BAZ2A: variants seen among roughly 807,000 people sequenced by gnomAD.
The protein encoded by BAZ2A is bromodomain adjacent to zinc finger domain 2A, also known as bromodomain adjacent to zinc finger domain protein 2A.
BAZ2A carries 34 observed loss-of-function variants against 199.9 expected under a neutral mutation model. The observed-to-expected ratio is 0.17, with a 90% CI of 0.13 to 0.23. The LOEUF (loss-of-function observed/expected upper bound fraction) is 0.23. Among genes scored for constraint, BAZ2A ranks in the 10% least tolerant of loss-of-function variants. BAZ2A has a pLI of 1.00. For missense variants in BAZ2A, 2,002 were observed against 2,391.1 expected (o/e 0.84, Z 3.39); for synonymous variants, 857 against 883.9 (o/e 0.97, Z 0.54).
In BAZ2A at chr12:56,602,131, G is replaced by A; in HGVS notation, c.3486C>T (p.Leu1162=). 1 of 1,593,988 alleles carries A rather than the reference G, an allele frequency of 6.3e-7. No individual in the cohort carries two copies. Among genetic ancestry groups the A allele is most frequent in the Non-Finnish European group, 8.5e-7 (1 of 1,170,036 alleles). ...TCTTCATAGAGAAGAGGGCAGGGTT[G>A]AGTGACGCATGGGCTGCCACTTTTA... ...DSLKVAAHAS[L]NPALFSMKME... Residue 1162 remains leucine, a synonymous_variant, in exon 20 of 29, where the codon CTC becomes CTT. Coordinates refer to ENST00000549884, the MANE Select transcript of BAZ2A (RefSeq NM_001300905.2).
rs1444787863 is a variant in BAZ2A, at chr12:56,615,420, T to G, written c.324A>C (p.Pro108=). 5.6e-6 allele frequency: 9 copies of G among 1,596,804 alleles called. No individual in the cohort carries two copies. The highest frequency in any genetic ancestry group is 7.7e-6 in the Non-Finnish European group (9 of 1,174,322). Reference sequence around the variant, plus strand: ...CCCCCGAGAACTGGGAGAGAAGGGGTGGGTCCTTGAGGTTGCTGCCAGGAT... The same window carrying G: ...CCCCCGAGAACTGGGAGAGAAGGGGGGGGTCCTTGAGGTTGCTGCCAGGAT... ...SANPGSNLKD[P]PLLSQFSGGQ... Residue 108 remains proline, a synonymous_variant, in exon 3 of 29, where the codon CCA becomes CCC. Coordinates refer to ENST00000549884, the MANE Select transcript of BAZ2A (RefSeq NM_001300905.2).
At chr12:56,607,284 T>G (rs1950392284) in intron 10 of BAZ2A, among the ~76,000 whole-genome samples, 1 of 152,278 alleles carries the variant, frequency 6.6e-6, no homozygotes, top group Non-Finnish European at 1.5e-5. Flanking sequence ...CTAAAAGTTC[T>G]GAATTTCTTC....
chr12:56,614,275 C>A, intron 3 of BAZ2A, 137 bp from the exon 4 acceptor site: 1 of 851,810 alleles, frequency 1.2e-6, no homozygotes, highest in Non-Finnish European at 1.8e-6. Flanking sequence ...TTGCTGGGAA[C>A]CGATCACATC....
At chr12:56,623,289 T>C (rs1308932493) in intron 1 of BAZ2A, among the ~76,000 whole-genome samples, 1 of 151,702 alleles carries the variant, frequency 6.6e-6, no homozygotes, top group South Asian at 2.1e-4. Flanking sequence ...ATAAATATTA[T>C]ATATTGCAAC....
chr12:56,605,210 C>T lies in BAZ2A; in HGVS notation c.2611G>A (p.Ala871Thr), dbSNP rs1377741341. The T allele has an allele frequency of 6.2e-7, 1 of 1,613,670 alleles. No homozygotes were observed. Among genetic ancestry groups the T allele is most frequent in the African/African-American group, 1.3e-5 (1 of 74,846 alleles). The change falls in exon 14 of 29, where the codon GCC becomes ACC. Residue 871 changes from alanine (A) to threonine (T), a missense_variant. Coordinates refer to ENST00000549884, the MANE Select transcript of BAZ2A (RefSeq NM_001300905.2). ...SFGKVLGFDP[A>T]KDVPSLGVLQ... ...ACCCCCAGGCTAGGCACATCTTTGGCAGGATCAAAGCCCAGCACCTTGCCA... is the reference window on the plus strand; with the variant it reads ...ACCCCCAGGCTAGGCACATCTTTGGTAGGATCAAAGCCCAGCACCTTGCCA...
At chr12:56,637,471 C>A (rs1273284540), upstream of BAZ2A, among the ~76,000 whole-genome samples, 1 of 152,146 alleles carries the variant, frequency 6.6e-6, no homozygotes, top group African/African-American at 2.4e-5. Flanking sequence ...GTATTATATG[C>A]CTCTGCATAG....
In BAZ2A at chr12:56,601,342, C is replaced by G. The variant is rs1592556308; in HGVS notation, c.4132G>C (p.Ala1378Pro). 1 of 1,613,996 alleles carries G rather than the reference C, an allele frequency of 6.2e-7. No individual in the cohort carries two copies. The highest frequency in any genetic ancestry group is 8.5e-7 in the Non-Finnish European group (1 of 1,179,884). The change falls in exon 21 of 29, where the codon GCT (alanine) becomes CCT (proline). Residue 1378 changes from alanine to proline, a missense_variant. Physicochemically the swap from Ala to Pro is conservative, Grantham distance 27. Coordinates refer to ENST00000549884, the MANE Select transcript of BAZ2A (RefSeq NM_001300905.2). ...GCTCGCCTCTTAGGGGCCAACCCAG[C>G]CAAGGGCGTGGAAGAGAACTGCACT... The part of the protein sequence containing the change: ...SPVQFSSTPL[A>P]GLAPKRRAGD...
chr12:56,604,092 G>T, intron 16 of BAZ2A, 125 bp downstream of exon 16: 1 of 866,572 alleles, frequency 1.2e-6, no homozygotes. Flanking sequence ...ACCATCCTGG[G>T]CCCTGGTAAG....
At chr12:56,634,290 G>C (rs1951390988), upstream of BAZ2A, among the ~76,000 whole-genome samples, 1 of 152,116 alleles carries the variant, frequency 6.6e-6, no homozygotes, top group Admixed American at 6.5e-5. Flanking sequence ...TGAAGCACAA[G>C]ATTCCGGCAG....
chr12:56,612,440 T>C (rs748402151), intron 5 of BAZ2A, among the ~76,000 whole-genome samples, 194 bp from the exon 6 acceptor site: 28 of 152,178 alleles, frequency 1.8e-4, no homozygotes, highest in African/African-American at 5.3e-4. Flanking sequence ...ACAGATGTCA[T>C]TGTGTGAAGA....
chr12:56,634,979 G>A (rs1266492119), upstream of BAZ2A: 1 of 984,832 alleles, frequency 1.0e-6, no homozygotes, highest in Non-Finnish European at 1.2e-6. Context: ...GGCGGCGGCG[G>A]CGGCAGAGGC....
intron 10 of BAZ2A, among the ~76,000 whole-genome samples, chr12:56,607,182 AG>A (rs2136911576): frequency 6.6e-6 from 1 of 152,316 alleles, no homozygotes; most frequent in African/African-American, 2.4e-5. Flanking sequence ...TGATTAACCA[AG>A]GGTGTGCCAG....
intron 3 of BAZ2A, 149 bp from the exon 4 acceptor site, chr12:56,614,287 A>G: frequency 1.3e-6 from 1 of 755,646 alleles, no homozygotes; most frequent in South Asian, 1.8e-5. Context: ...GATCACATCA[A>G]GATACTCTGA....
upstream of BAZ2A, among the ~76,000 whole-genome samples, chr12:56,631,100 A>G (rs756193546): frequency 9.2e-5 from 14 of 152,106 alleles, no homozygotes; most frequent in Non-Finnish European, 1.6e-4. Flanking sequence ...GTCACCTAAA[A>G]TGTCCACTGC....
At position 56,597,673 on chromosome 12, in the gene BAZ2A, C is replaced by CACACAG. The variant is rs1555204300; in HGVS notation, c.*944_*945insCTGTGT. ...ACACACACACACACACACACACACA[C>CACACAG]AGCGCTCTCTCTGAGGCCGGCCCCA... On this transcript the variant is annotated 3_prime_UTR_variant, in exon 29 of 29. Transcript: ENST00000549884. 6.7e-6 allele frequency: 1 copy of CACACAG among 150,232 alleles called. No individual in the cohort carries two copies. Among genetic ancestry groups the CACACAG allele is most frequent in the Non-Finnish European group, 1.5e-5 (1 of 68,904 alleles). 9.3% of individuals were successfully genotyped at this position (150,232 alleles called of 1,614,324 possible). A position where few individuals can be genotyped will look rare whatever the true frequency, so the allele number is the denominator to read the frequency against.
chr12:56,605,369 CAG>C (rs751533873), intron 13 of BAZ2A, 42 bp from the exon 14 acceptor site: 62 of 1,528,570 alleles, frequency 4.1e-5, no homozygotes, highest in Non-Finnish European at 5.3e-5. Context: ...TTAAACATAA[CAG>C]AAGATGACAA....
chr12:56,612,270 G>A (rs969727619), intron 5 of BAZ2A, 24 bp from the exon 6 acceptor site: 1 of 1,566,444 alleles, frequency 6.4e-7, no homozygotes, highest in Admixed American at 1.9e-5. Context: ...GGACAGGATA[G>A]GCTTTAAAAA....
At chr12:56,604,903 A>G in intron 14 of BAZ2A, 104 bp from the exon 15 acceptor site, 1 of 1,406,560 alleles carries the variant, frequency 7.1e-7, no homozygotes, top group Non-Finnish European at 9.6e-7. Flanking sequence ...ATGGGGGTTA[A>G]GACAGAATAC....
At chr12:56,604,844 C>T (rs1452209651) in intron 14 of BAZ2A, 45 bp from the exon 15 acceptor site, 1 of 1,583,406 alleles carries the variant, frequency 6.3e-7, no homozygotes, top group South Asian at 1.1e-5. Flanking sequence ...GAAAGATGCA[C>T]AACCAAGTTG....
Sources: gnomAD v4.1 joint callset for allele counts (sites outside exome capture counted in the v4.1 genomes callset) on GRCh38, gnomAD v4.1.1 for gene constraint, MANE v1.5 for transcripts, NCBI Gene and HGNC (gene_info 2026-07-23, HGNC 2026-07-21) for gene names.